The following ESRRG variants were observed in gnomAD, a reference collection of about 807,000 sequenced individuals.
The protein encoded by ESRRG is estrogen related receptor gamma.
Under a neutral mutation model 44.0 loss-of-function variants are expected in ESRRG, and 13 were observed. The observed-to-expected ratio is 0.30, with a 90% CI of 0.19 to 0.47. The LOEUF (loss-of-function observed/expected upper bound fraction) is 0.47. Among genes scored for constraint, ESRRG ranks in the 20% least tolerant of loss-of-function variants. ESRRG has a pLI of 1.00. For synonymous variants in ESRRG, 215 were observed against 214.6 expected (o/e 1.00, Z -0.02); for missense variants, 395 against 580.6 (o/e 0.68, Z 3.29).
At chr1:217,048,005 C>T (rs928343219) in intron 1 of ESRRG, among the ~76,000 whole-genome samples, 1 of 152,216 alleles carries the variant, frequency 6.6e-6, no homozygotes, top group Non-Finnish European at 1.5e-5. Flanking sequence ...TAGCTCACTT[C>T]TCTGAAGTGC....
At chr1:216,802,398 T>G (rs1028060443) in intron 2 of ESRRG, among the ~76,000 whole-genome samples, 1 of 152,148 alleles carries the variant, frequency 6.6e-6, no homozygotes, top group South Asian at 2.1e-4. Flanking sequence ...CACTGAGAAG[T>G]GTCTGATATT....
intron 1 of ESRRG, among the ~76,000 whole-genome samples, chr1:217,070,054 A>G (rs965251603): frequency 2.6e-5 from 4 of 152,112 alleles, no homozygotes; most frequent in Non-Finnish European, 4.4e-5. Flanking sequence ...GTTGATTCTA[A>G]TTGGAAGAGA....
At chr1:216,809,084 C>T (rs957510018) in intron 2 of ESRRG, among the ~76,000 whole-genome samples, 1 of 152,106 alleles carries the variant, frequency 6.6e-6, no homozygotes, top group Non-Finnish European at 1.5e-5. Context: ...TGTACTACCT[C>T]ATCAAGTTCT....
chr1:216,762,174 A>G (rs1482344937), intron 2 of ESRRG, among the ~76,000 whole-genome samples: 2 of 152,128 alleles, frequency 1.3e-5, no homozygotes, highest in Non-Finnish European at 2.9e-5. Flanking sequence ...AGAACTAGAA[A>G]TACCATTTGA....
intron 3 of ESRRG, among the ~76,000 whole-genome samples, chr1:216,578,757 G>C (rs998606091): frequency 6.6e-6 from 1 of 152,080 alleles, no homozygotes; most frequent in South Asian, 2.1e-4. Flanking sequence ...TATAAGTTCT[G>C]TAGAAATTCA....
chr1:216,696,638 C>T (rs551035792), intron 1 of ESRRG, among the ~76,000 whole-genome samples: 46 of 152,088 alleles, frequency 3.0e-4, no homozygotes, highest in Non-Finnish European at 6.5e-4. Flanking sequence ...TTATTTATAT[C>T]ATAGTTACTC....
chr1:216,517,835 A>G (rs2044809438), intron 6 of ESRRG, among the ~76,000 whole-genome samples: 1 of 152,130 alleles, frequency 6.6e-6, no homozygotes, highest in African/African-American at 2.4e-5. Context: ...GTAGAAGAAG[A>G]GAGGTGCATG....
In ESRRG at chr1:216,723,400, T is replaced by A. The variant is rs1428999634; in HGVS notation, c.-101A>T. Reference sequence around the variant, plus strand: ...ACAAATGTTCTCCTAGTGACAAGCCTATAGGCACAGCCAGTTGGGACCAAA... The same window carrying A: ...ACAAATGTTCTCCTAGTGACAAGCCAATAGGCACAGCCAGTTGGGACCAAA... On this transcript the variant is annotated 5_prime_UTR_variant, in exon 1 of 7. Transcript: ENST00000408911. 2 of 1,109,254 alleles carry A rather than the reference T, an allele frequency of 1.8e-6. No individual in the cohort carries two copies. The highest frequency in any genetic ancestry group is 3.1e-5 in the African/African-American group (2 of 65,028). The allele number at this position is 1,109,254 out of a possible 1,614,324, so 68.7% of individuals were successfully genotyped here.
chr1:216,579,980 T>C (rs1022059793), intron 3 of ESRRG, among the ~76,000 whole-genome samples: 1 of 152,216 alleles, frequency 6.6e-6, no homozygotes, highest in African/African-American at 2.4e-5. Context: ...TTGTTACATA[T>C]ATTCAGCTTA....
rs1053568170 is a variant in ESRRG, at chr1:216,529,381, A to G, written c.863-9960T>C. Among the ~76,000 whole-genome samples the G allele has an allele frequency of 3.2e-4, 49 of 152,320 alleles. 1 individual carries two copies. In the Middle Eastern group the frequency reaches 0.01, roughly 32 times the overall value. On this transcript the variant is annotated intron_variant, in intron 5 of 6. Coordinates refer to ENST00000408911, the MANE Select transcript of ESRRG (RefSeq NM_001438.4). ...ATTCTGTTAAAGATTATAATTTTTC[A>G]TTGAAAATAGAGATATGAGGAGAAA...
chr1:216,510,025 A>G (rs1468205973), intron 6 of ESRRG, among the ~76,000 whole-genome samples: 1 of 152,216 alleles, frequency 6.6e-6, no homozygotes, highest in Admixed American at 6.5e-5. Context: ...CTATGCTTTA[A>G]AGGAAATATT....
At chr1:216,751,991 T>C (rs920106778) in intron 2 of ESRRG, among the ~76,000 whole-genome samples, 2 of 152,130 alleles carry the variant, frequency 1.3e-5, no homozygotes, top group Admixed American at 6.6e-5. Context: ...GTCCACTCTC[T>C]ACACGATAAA....
chr1:216,928,870 G>C (rs1049834253), intron 2 of ESRRG, among the ~76,000 whole-genome samples: 1 of 152,152 alleles, frequency 6.6e-6, no homozygotes, highest in Non-Finnish European at 1.5e-5. Context: ...GACAAACATT[G>C]TATGATTTTA....
At chr1:216,700,250 C>A (rs1182617012) in intron 1 of ESRRG, among the ~76,000 whole-genome samples, 1 of 152,070 alleles carries the variant, frequency 6.6e-6, no homozygotes, top group Non-Finnish European at 1.5e-5. Context: ...TAGGAAGACT[C>A]TGGCTATTTT....
chr1:216,689,332 T>A (rs1158404108), intron 1 of ESRRG, among the ~76,000 whole-genome samples: 1 of 152,122 alleles, frequency 6.6e-6, no homozygotes, highest in East Asian at 1.9e-4. Context: ...AAGTTTCCTA[T>A]GACCATTACA....
chr1:216,679,629 T>C (rs1257964938), intron 1 of ESRRG, among the ~76,000 whole-genome samples: 1 of 132,762 alleles, frequency 7.5e-6, no homozygotes, highest in Admixed American at 7.5e-5. Context: ...GGAATTTTTT[T>C]TTTCTTTTTT....
At chr1:216,611,116 T>A (rs981484576) in intron 3 of ESRRG, among the ~76,000 whole-genome samples, 1 of 145,640 alleles carries the variant, frequency 6.9e-6, no homozygotes, top group Admixed American at 7.1e-5. Flanking sequence ...GGCAGGAGAG[T>A]CTCTTGAACC....
intron 1 of ESRRG, among the ~76,000 whole-genome samples, chr1:216,705,551 G>T (rs534782163): frequency 1.3e-5 from 2 of 152,226 alleles, no homozygotes; most frequent in East Asian, 3.9e-4. Context: ...TATTTGAAGT[G>T]CAAAACAGGC....
At chr1:216,525,310 G>A (rs541546640) in intron 5 of ESRRG, among the ~76,000 whole-genome samples, 28 of 152,152 alleles carry the variant, frequency 1.8e-4, no homozygotes, top group African/African-American at 6.0e-4. Context: ...CCATCTACAC[G>A]GAGTGTGCAG....
Sources: gnomAD v4.1 joint callset for allele counts (sites outside exome capture counted in the v4.1 genomes callset) on GRCh38, gnomAD v4.1.1 for gene constraint, MANE v1.5 for transcripts, NCBI Gene and HGNC (gene_info 2026-07-23, HGNC 2026-07-21) for gene names.